ZNF423: variants seen among roughly 807,000 people sequenced by gnomAD.
ZNF423 encodes the protein zinc finger protein 423.
A neutral mutation model predicts 95.8 loss-of-function variants in ZNF423; 12 were observed. The ratio of observed to expected loss-of-function variants is 0.13; its 90% confidence interval spans 0.08 to 0.20. The LOEUF is 0.20. ZNF423 is among the 10% of genes least tolerant of loss of function. The pLI is 1.00. For synonymous variants in ZNF423, 749 were observed against 711.9 expected, an observed-to-expected ratio of 1.05 and a Z score of -0.83; for missense variants, 1,316 against 1,737.1, an observed-to-expected ratio of 0.76 and a Z score of 4.31.
chr16:49,789,578 T>C, intron 1 of ZNF423, 32 bp from the exon 2 acceptor site: 1 of 1,602,708 alleles, frequency 6.2e-7, no homozygotes, highest in Non-Finnish European at 8.5e-7. Context: ...GGCCTGTGAG[T>C]TTGAAGGCTG....
At chr16:49,789,582 A>G (rs754745716) in intron 1 of ZNF423, 36 bp from the exon 2 acceptor site, 1 of 1,600,730 alleles carries the variant, frequency 6.2e-7, no homozygotes, top group South Asian at 1.1e-5. Flanking sequence ...TGTGAGTTTG[A>G]AGGCTGTACA....
At chr16:49,541,206 C>T (rs751487830) in intron 5 of ZNF423, among the ~76,000 whole-genome samples, 2 of 152,254 alleles carry the variant, frequency 1.3e-5, no homozygotes, top group Non-Finnish European at 2.9e-5. Flanking sequence ...CAGCACCTAA[C>T]AACCTGGCAC....
In ZNF423 at chr16:49,855,098, G is replaced by A. The variant is rs1344344752; in HGVS notation, c.40+637C>T. 2.1e-6 allele frequency: 2 copies of A among 954,116 alleles called. No homozygotes were observed. Among genetic ancestry groups the A allele is most frequent in the African/African-American group, 3.5e-5 (2 of 56,366 alleles). 59.1% of individuals were successfully genotyped at this position (954,116 alleles called of 1,614,324 possible). ...CGGTGGGCCTCGGTGGAGGAGGCAG[G>A]AAGTGCAGGGGCCCGGGCCGGGAGA... On this transcript the variant is annotated intron_variant, in intron 1 of 7. Transcript: ENST00000563137. The surrounding 1 kb of genome is among the most constrained non-coding windows in gnomAD (Gnocchi z 4.7).
At chr16:49,493,547 T>G (rs1967052472) in intron 7 of ZNF423, among the ~76,000 whole-genome samples, 1 of 152,024 alleles carries the variant, frequency 6.6e-6, no homozygotes, top group African/African-American at 2.4e-5. Flanking sequence ...CAAAAACCCC[T>G]GCTATCTTGG....
chr16:49,618,389 G>A (rs1005576341), intron 5 of ZNF423, among the ~76,000 whole-genome samples: 3 of 152,188 alleles, frequency 2.0e-5, no homozygotes, highest in Admixed American at 6.5e-5. Context: ...TAATCCCCAT[G>A]TGTGGAGGGA....
At chr16:49,850,378 A>G (rs1297647488) in intron 1 of ZNF423, among the ~76,000 whole-genome samples, 1 of 152,224 alleles carries the variant, frequency 6.6e-6, no homozygotes, top group African/African-American at 2.4e-5. Context: ...AGCTGACGGG[A>G]ATTTGCAGAA....
At chr16:49,547,781 G>T (rs146982829) in intron 5 of ZNF423, among the ~76,000 whole-genome samples, 1 of 152,240 alleles carries the variant, frequency 6.6e-6, no homozygotes, top group African/African-American at 2.4e-5. Context: ...GGCTTTAGGA[G>T]GCTATGCAAC....
intron 3 of ZNF423, among the ~76,000 whole-genome samples, chr16:49,661,745 G>A (rs2030241458): frequency 1.3e-5 from 2 of 152,182 alleles, no homozygotes; most frequent in South Asian, 4.1e-4. Context: ...GCAAAGCCCT[G>A]CACCATGGAG....
Position 49,532,384 on chromosome 16 carries a change from T to C in ZNF423, c.3602-6890A>G, listed in dbSNP as rs575493336. 2.0e-5 allele frequency among the ~76,000 whole-genome samples: 3 copies of C among 152,156 alleles called. No homozygotes were observed. The South Asian group carries it at 6.2e-4, about 32-fold the overall frequency. On this transcript the variant is annotated intron_variant, in intron 5 of 7. Transcript: ENST00000563137. ...GGCACAGCCCACCACGCTGCTCCCATTTTGGGCTCACATTTTCCTAATTAA... is the reference window on the plus strand; with the variant it reads ...GGCACAGCCCACCACGCTGCTCCCACTTTGGGCTCACATTTTCCTAATTAA...
intron 3 of ZNF423, among the ~76,000 whole-genome samples, chr16:49,687,902 G>T (rs1288621714): frequency 6.6e-6 from 1 of 152,084 alleles, no homozygotes; most frequent in Non-Finnish European, 1.5e-5. Context: ...AGCTCAGAGG[G>T]GCTCCTTGGA....
At chr16:49,712,748 C>G (rs2032583461) in intron 3 of ZNF423, among the ~76,000 whole-genome samples, 1 of 152,268 alleles carries the variant, frequency 6.6e-6, no homozygotes, top group Admixed American at 6.5e-5. Context: ...CTCTGGGGGT[C>G]CCGGGAGCGG....
At chr16:49,827,979 C>T (rs778324187) in intron 1 of ZNF423, among the ~76,000 whole-genome samples, 1 of 152,276 alleles carries the variant, frequency 6.6e-6, no homozygotes, top group Middle Eastern at 3.4e-3. Context: ...TTCTTAGTGA[C>T]CCTAGTATGA....
intron 7 of ZNF423, among the ~76,000 whole-genome samples, chr16:49,519,897 C>T (rs973995182): frequency 6.6e-6 from 1 of 152,160 alleles, no homozygotes; most frequent in South Asian, 2.1e-4. Context: ...CATCCTAGCC[C>T]TGGCACCCAG....
intron 3 of ZNF423, among the ~76,000 whole-genome samples, chr16:49,641,856 G>A (rs1206783290): frequency 6.6e-6 from 1 of 152,226 alleles, no homozygotes; most frequent in Non-Finnish European, 1.5e-5. Flanking sequence ...GATGGGAGCA[G>A]GGACTGGCTG....
At chr16:49,710,337 C>A (rs913797377) in intron 3 of ZNF423, among the ~76,000 whole-genome samples, 3 of 152,194 alleles carry the variant, frequency 2.0e-5, no homozygotes, top group African/African-American at 7.2e-5. Flanking sequence ...CCTTGCTACT[C>A]CGGTGTGGTT....
chr16:49,502,913 TACACACACACACAC>T (rs55819934), intron 7 of ZNF423, among the ~76,000 whole-genome samples: 25 of 122,884 alleles, frequency 2.0e-4, no homozygotes, highest in African/African-American at 4.3e-4. Context: ...TGTGCACGCA[TACACACACACACAC>T]ACACACACAC....
At chr16:49,495,664 G>A (rs1441370262) in intron 7 of ZNF423, among the ~76,000 whole-genome samples, 5 of 152,186 alleles carry the variant, frequency 3.3e-5, no homozygotes, top group Non-Finnish European at 5.9e-5. Flanking sequence ...AGAGCCTGGT[G>A]GCTACACTGT....
At chr16:49,799,060 G>A (rs1343494536) in intron 1 of ZNF423, among the ~76,000 whole-genome samples, 2 of 152,292 alleles carry the variant, frequency 1.3e-5, no homozygotes, top group East Asian at 3.9e-4. Context: ...ACTATAAAAT[G>A]TAGGGGTGTG....
At chr16:49,691,640 G>C (rs2031785413) in intron 3 of ZNF423, among the ~76,000 whole-genome samples, 2 of 152,032 alleles carry the variant, frequency 1.3e-5, no homozygotes, top group Admixed American at 1.3e-4. Flanking sequence ...GCTGAGGCAG[G>C]AGAATGGCGT....
Sources: allele counts gnomAD v4.1 joint callset (sites outside exome capture counted in the v4.1 genomes callset), GRCh38; gene constraint gnomAD v4.1.1; non-coding constraint Gnocchi (gnomAD v3.1); transcripts MANE v1.5; gene names NCBI Gene and HGNC (gene_info 2026-07-23, HGNC 2026-07-21).